Variants in KDM5C observed in about 807,000 individuals in gnomAD.
KDM5C encodes the protein lysine demethylase 5C, also known as lysine-specific demethylase 5C.
KDM5C carries 16 observed loss-of-function variants against 110.6 expected under a neutral mutation model. The ratio of observed to expected loss-of-function variants is 0.14; its 90% CI spans 0.10 to 0.22. The LOEUF (loss-of-function observed/expected upper bound fraction) is 0.22, where lower values mean the gene tolerates loss of function less well. KDM5C is among the 10% of genes least tolerant of loss of function. The pLI is 1.00. For missense variants in KDM5C, 681 were observed against 1,300.9 expected (o/e 0.52, Z 7.33); for synonymous variants, 511 against 520.4 (o/e 0.98, Z 0.24).
At chrX:53,221,587 A>G in intron 1 of KDM5C, 1 of 407,083 alleles carries the variant, frequency 2.5e-6, no homozygotes, top group Non-Finnish European at 4.3e-6. Flanking sequence ...GCAGGACGTA[A>G]AGGTTTGGGC....
intron 10 of KDM5C, among the ~76,000 whole-genome samples, chrX:53,211,229 C>A (rs1294119538): frequency 9.0e-6 from 1 of 111,731 alleles, no homozygotes; most frequent in African/African-American, 3.3e-5. Flanking sequence ...ATCTCATATA[C>A]CTTCTCATTT....
chrX:53,183,406 G>C (rs1237507227), intron 25 of KDM5C, among the ~76,000 whole-genome samples: 1 of 107,385 alleles, frequency 9.3e-6, no homozygotes, highest in African/African-American at 3.4e-5. Flanking sequence ...AGTGAGCCAA[G>C]ATTACGCCAC....
At chrX:53,188,927 CAT>C (rs1399955513), downstream of KDM5C, among the ~76,000 whole-genome samples, 9 of 111,358 alleles carry the variant, frequency 8.1e-5, no homozygotes, top group Admixed American at 1.9e-4. Context: ...CCAACAGCCA[CAT>C]GAGTCAGCTT....
chrX:53,208,416 C>CAT (rs66504974), intron 12 of KDM5C, among the ~76,000 whole-genome samples: 134 of 85,347 alleles, frequency 1.6e-3, no homozygotes, highest in East Asian at 3.1e-3. Flanking sequence ...TATACACATA[C>CAT]ATATATATAT....
chrX:53,197,871 TG>T lies in KDM5C; in HGVS notation c.2521del (p.His841ThrfsTer8). ...GGTCATCTGTAGACCAGCCACCCTGTGGGGGCTATGAAGTATCACATGTGAG... is the reference window on the plus strand; with the variant it reads ...GGTCATCTGTAGACCAGCCACCCTGTGGGGCTATGAAGTATCACATGTGAG... Reference protein sequence around the residue: ...GLVSGQEAGPHRVAGLQMTLT... With the variant: ...GLVSGQEAGPXRVAGLQMTLT... On this transcript the variant is annotated frameshift_variant, in exon 18 of 26. Transcript: ENST00000375401. LOFTEE classifies it high-confidence loss of function. The T allele has an allele frequency of 8.5e-7, 1 of 1,180,555 alleles. No individual in the cohort carries two copies. The highest frequency in any genetic ancestry group is 1.1e-6 in the Non-Finnish European group (1 of 876,487).
downstream of KDM5C, chrX:53,191,647 T>G: frequency 5.7e-6 from 1 of 174,609 alleles, no homozygotes; most frequent in African/African-American, 2.9e-5. Context: ...CAGGGAATTA[T>G]GCAGTAGATG....
At position 53,194,638 on chromosome X, in the gene KDM5C, G is replaced by A. The variant is rs781841978; in HGVS notation, c.3539C>T (p.Thr1180Met). 16 of 1,210,387 alleles carry A rather than the reference G, an allele frequency of 1.3e-5. No individual in the cohort carries two copies. Among genetic ancestry groups the A allele is most frequent in the African/African-American group, 7.0e-5 (4 of 57,283 alleles). Residue 1180 changes from threonine to methionine, a missense_variant, in exon 23 of 26, where the codon ACG (threonine) becomes ATG (methionine). This residue lies in a region of KDM5C where 48 missense variants were observed against 59.7 expected (regional missense o/e 0.80). Transcript: ENST00000375401. ...ACAGATAGAGGTTGTAGAGGAGGCCGTGCTCGATGATGCCAGTGGACTGGG... is the reference window on the plus strand; with the variant it reads ...ACAGATAGAGGTTGTAGAGGAGGCCATGCTCGATGATGCCAGTGGACTGGG... ...AKPSPLASSS[T>M]ASSTTSICVC...
intron 21 of KDM5C, 66 bp from the exon 22 acceptor site, chrX:53,195,134 C>T (rs1934738129): frequency 8.5e-7 from 1 of 1,173,944 alleles, no homozygotes; most frequent in African/African-American, 1.8e-5. Flanking sequence ...CCTTCCCTCC[C>T]TGGTGCCCCT....
Position 53,195,321 on chromosome X carries a change from C to T in KDM5C, c.3210G>A (p.Gln1070=). The change falls in exon 21 of 26, where the codon CAG becomes CAA. Residue 1070 remains glutamine (Q), a synonymous_variant. Transcript: ENST00000375401. ...GCGCTGTCAGTACCTGTAGCTCTAG[C>T]TGTCTCAGCTCCTCCAGCCCCACAG... is the stretch of plus-strand genomic sequence containing the variant. ...DLPVGLEELR[Q]LELQVLTAHS... 1 of 1,205,363 alleles carries T rather than the reference C, an allele frequency of 8.3e-7. No individual in the cohort carries two copies. Among genetic ancestry groups the T allele is most frequent in the African/African-American group, 1.7e-5 (1 of 57,698 alleles).
intron 9 of KDM5C, 55 bp from the exon 10 acceptor site, chrX:53,211,710 A>C: frequency 8.3e-7 from 1 of 1,204,454 alleles, no homozygotes. Context: ...GGACCCACTG[A>C]TCCAGGTGAG....
chrX:53,191,020 C>T (rs1198321713), downstream of KDM5C, among the ~76,000 whole-genome samples: 1 of 111,397 alleles, frequency 9.0e-6, no homozygotes, highest in African/African-American at 3.3e-5. Flanking sequence ...TTTGTATCCT[C>T]GTATCATGGG....
intron 14 of KDM5C, chrX:53,201,269 G>T: frequency 2.7e-6 from 1 of 366,971 alleles, no homozygotes; most frequent in Non-Finnish European, 4.9e-6. Context: ...ACCTGCCATG[G>T]GTCAGTCACT....
chrX:53,185,481 A>T (rs1028456571), intron 25 of KDM5C, among the ~76,000 whole-genome samples: 2 of 111,810 alleles, frequency 1.8e-5, no homozygotes, highest in South Asian at 3.7e-4. Flanking sequence ...ATCTCAGAAA[A>T]TTTTTTTCTG....
At chrX:53,181,216 A>G (rs1023522661) in intron 25 of KDM5C, among the ~76,000 whole-genome samples, 1 of 110,810 alleles carries the variant, frequency 9.0e-6, no homozygotes, top group Non-Finnish European at 1.9e-5. Context: ...GCCTGAAATC[A>G]GACATAAAAC....
In KDM5C at chrX:53,194,211, C is replaced by T. The variant is rs1569257679; in HGVS notation, c.3966G>A (p.Glu1322=). Residue 1322 remains glutamate (E), a synonymous_variant, in exon 23 of 26, where the codon GAG becomes GAA. Transcript: ENST00000375401. ...GGGCTGCAGGGTAGTTAGGAGGCTC[C>T]TCAGGTCTAGGTTCAGCCTGTAGCC... ...RQRLQAEPRP[E]EPPNYPAAPA... 2.5e-6 allele frequency: 3 copies of T among 1,211,518 alleles called. No individual in the cohort carries two copies. Among genetic ancestry groups the T allele is most frequent in the East Asian group, 3.0e-5 (1 of 33,807 alleles).
At chrX:53,184,417 T>G (rs1158947571) in intron 25 of KDM5C, among the ~76,000 whole-genome samples, 1 of 110,887 alleles carries the variant, frequency 9.0e-6, no homozygotes, top group African/African-American at 3.3e-5. Context: ...TTTTTAAATT[T>G]TTTTTGTAGA....
chrX:53,195,520 T>TA, intron 20 of KDM5C, 110 bp from the exon 21 acceptor site: 1 of 763,103 alleles, frequency 1.3e-6, no homozygotes, highest in South Asian at 2.3e-5. Flanking sequence ...CTTGAGGGAT[T>TA]AAAAAAATAG....
rs782690210 is a variant in KDM5C, at chrX:53,183,165, C to T, written c.4309-6543G>A. 6.6e-5 allele frequency among the ~76,000 whole-genome samples: 7 copies of T among 106,567 alleles called. No individual in the cohort carries two copies. The South Asian group carries it at 2.1e-3, about 32-fold the overall frequency. 92.5% of individuals were successfully genotyped at this position (106,567 alleles called of 115,157 possible). A position where few individuals can be genotyped will look rare whatever the true frequency, so the allele number is the denominator to read the frequency against. ...GGTGGCTGGGCACAGTGGCTCACAC[C>T]TGTAATCCCAACATTTTTGGGAGGC... On this transcript the variant is annotated intron_variant, in intron 25 of 25. Coordinates refer to the KDM5C transcript ENST00000685641.
downstream of KDM5C, among the ~76,000 whole-genome samples, chrX:53,190,482 AC>A (rs1192586379): frequency 8.9e-6 from 1 of 112,287 alleles, no homozygotes; most frequent in African/African-American, 3.2e-5. Flanking sequence ...CCTGTGGCTG[AC>A]TGCCTTGGCA....
Sources: gnomAD v4.1 joint callset for allele counts (sites outside exome capture counted in the v4.1 genomes callset) on GRCh38, gnomAD v4.1.1 for gene constraint, gnomAD v4.1.1 regional missense constraint, MANE v1.5 for transcripts, NCBI Gene and HGNC (gene_info 2026-07-23, HGNC 2026-07-21) for gene names.